SLC22A25: variants seen among roughly 807,000 people sequenced by gnomAD.
The protein encoded by SLC22A25 is MGI:2442751, MGI:2385316, MGI:3042283, MGI:3645714, MGI:3605624, MGI:2442750.
SLC22A25 carries 44 observed loss-of-function variants against 45.9 expected under a neutral mutation model. The ratio of observed to expected loss-of-function variants is 0.96; its 90% CI spans 0.75 to 1.23. SLC22A25 has a LOEUF of 1.23. Ranked by LOEUF, SLC22A25 falls within the 50% of genes most tolerant of loss-of-function variation. The probability of loss-of-function intolerance (pLI) is 0.00; values close to 1 mark genes in which losing one functional copy is unlikely to be tolerated. For missense variants in SLC22A25, 800 were observed against 666.4 expected, an observed-to-expected ratio of 1.20 and a Z score of -2.21; for synonymous variants, 283 against 238.6, an observed-to-expected ratio of 1.19 and a Z score of -1.72.
chr11:63,229,601 T>A lies in SLC22A25; in HGVS notation c.52A>T (p.Ile18Phe), dbSNP rs778424972. The change falls in exon 4 of 12, where the codon ATC (isoleucine) becomes TTC (phenylalanine). Residue 18 changes from isoleucine (I) to phenylalanine (F), a missense_variant. Physicochemically the swap from Ile to Phe is conservative, Grantham distance 21. Coordinates refer to ENST00000306494, the MANE Select transcript of SLC22A25 (RefSeq NM_199352.6). ...ATTATAAGGAAAACCATCTGAAGGA[T>A]CTGGAATCTCCCCAGGCCTCCAACT... ...DQVGGLGRFQ[I>F]LQMVFLIMFN... 1.2e-6 allele frequency: 2 copies of A among 1,612,922 alleles called. No individual in the cohort carries two copies. Among genetic ancestry groups the A allele is most frequent in the South Asian group, 2.2e-5 (2 of 91,052 alleles).
At chr11:63,224,151 A>T (rs2089909219) in intron 5 of SLC22A25, among the ~76,000 whole-genome samples, 1 of 152,068 alleles carries the variant, frequency 6.6e-6, no homozygotes, top group African/African-American at 2.4e-5. Flanking sequence ...TTGTGCGTAT[A>T]TATTTATAAT....
chr11:63,164,871 ATATATCAGGGG>A (rs1237024782), intron 10 of SLC22A25, among the ~76,000 whole-genome samples: 1 of 152,204 alleles, frequency 6.6e-6, no homozygotes. Flanking sequence ...AATTCTCACT[ATATATCAGGGG>A]TATGCCATAG....
chr11:63,172,731 A>G (rs2087934862), intron 9 of SLC22A25, among the ~76,000 whole-genome samples: 2 of 150,402 alleles, frequency 1.3e-5, no homozygotes, highest in South Asian at 2.1e-4. Context: ...GATGCTGAAG[A>G]GGATGTGGAG....
chr11:63,163,883 C>A lies in SLC22A25; in HGVS notation c.1585G>T (p.Asp529Tyr). Reference sequence around the variant, plus strand: ...CTATTTACTCCCTCATTTTCCACATCCTGGATGCTGTCAAGAAGAGGCTGG... The same window carrying A: ...CTATTTACTCCCTCATTTTCCACATACTGGATGCTGTCAAGAAGAGGCTGG... ...RNQPLLDSIQ[D>Y]VENEGVNSLA... The change falls in exon 12 of 12, where the codon GAT (aspartate) becomes TAT (tyrosine). Residue 529 changes from aspartate (D) to tyrosine (Y), a missense_variant. Physicochemically the swap from Asp to Tyr is radical, Grantham distance 160 (BLOSUM62 -3). Transcript: ENST00000306494. 6.2e-7 allele frequency: 1 copy of A among 1,613,894 alleles called. No individual in the cohort carries two copies. The highest frequency in any genetic ancestry group is 8.5e-7 in the Non-Finnish European group (1 of 1,179,894).
chr11:63,231,537 C>T (rs549677127), intron 3 of SLC22A25, among the ~76,000 whole-genome samples: 31 of 152,184 alleles, frequency 2.0e-4, no homozygotes, highest in African/African-American at 7.5e-4. Context: ...ATTGTAGATT[C>T]TGGATATTAG....
chr11:63,196,427 C>T (rs1023886881), intron 7 of SLC22A25, among the ~76,000 whole-genome samples: 2 of 152,178 alleles, frequency 1.3e-5, no homozygotes, highest in African/African-American at 4.8e-5. Flanking sequence ...TGACTTCATC[C>T]CTGGGATGCA....
intron 9 of SLC22A25, among the ~76,000 whole-genome samples, chr11:63,180,189 C>A (rs960431093): frequency 6.6e-6 from 1 of 152,040 alleles, no homozygotes; most frequent in Non-Finnish European, 1.5e-5. Flanking sequence ...TTTCTGTGTG[C>A]GGTTGAGGGG....
chr11:63,189,891 G>C (rs547549640), intron 7 of SLC22A25, among the ~76,000 whole-genome samples: 1 of 152,340 alleles, frequency 6.6e-6, no homozygotes, highest in South Asian at 2.1e-4. Flanking sequence ...CTTCTGGCTT[G>C]TAGAGTTTCT....
rs1260913182 is a variant in SLC22A25 at position 63,217,484 on chromosome 11, T to G, written c.662-2A>C. ...ATTGGTGAGTTATCCACTCTACAAC[T>G]GAAAGAAAACACAAACAAGATTTAG... is the stretch of plus-strand genomic sequence containing the variant. On this transcript the variant is annotated splice_acceptor_variant, in intron 6 of 11. Transcript: ENST00000306494. LOFTEE classifies it high-confidence loss of function. 1.2e-6 allele frequency: 2 copies of G among 1,612,950 alleles called. No homozygotes were observed. Among genetic ancestry groups the G allele is most frequent in the Middle Eastern group, 1.6e-4 (1 of 6,078 alleles).
chr11:63,176,799 C>T (rs1170333371), intron 9 of SLC22A25, among the ~76,000 whole-genome samples: 2 of 152,106 alleles, frequency 1.3e-5, no homozygotes, highest in East Asian at 3.9e-4. Context: ...AGTTTTTCAT[C>T]GAGTATGATG....
intron 7 of SLC22A25, among the ~76,000 whole-genome samples, chr11:63,212,320 T>C (rs1435276351): frequency 6.6e-6 from 1 of 152,130 alleles, no homozygotes; most frequent in African/African-American, 2.4e-5. Context: ...TTACTGGATA[T>C]ATACTCAAAG....
intron 7 of SLC22A25, among the ~76,000 whole-genome samples, chr11:63,187,069 C>T (rs1041006192): frequency 1.8e-4 from 27 of 151,922 alleles, no homozygotes; most frequent in Non-Finnish European, 3.7e-4. Flanking sequence ...TAGTTTTTTC[C>T]AATTCTATGA....
intron 7 of SLC22A25, among the ~76,000 whole-genome samples, chr11:63,194,958 T>A (rs1370993419): frequency 8.4e-6 from 1 of 119,238 alleles, no homozygotes; most frequent in Non-Finnish European, 1.7e-5. Context: ...AATCCTAGTC[T>A]GTGATAAAAC....
intron 5 of SLC22A25, among the ~76,000 whole-genome samples, chr11:63,226,775 A>G (rs2089970424): frequency 6.6e-6 from 1 of 152,230 alleles, no homozygotes; most frequent in South Asian, 2.1e-4. Flanking sequence ...GATGCTGTAC[A>G]GGAGCCTGGG....
chr11:63,217,725 T>G lies in SLC22A25; in HGVS notation c.517A>C (p.Lys173Gln), dbSNP rs780801916. The stretch of plus-strand genomic sequence containing the variant: ...AGGTAAGACCATCTGAGCACGAACT[T>G]TCTCCCAAACCTGAGAAACAGGGGC... ...YGHLSDRFGRKFVLRWSYLQL... is the reference protein window; with the variant it reads ...YGHLSDRFGRQFVLRWSYLQL... The change falls in exon 6 of 12, where the codon AAG becomes CAG. Residue 173 changes from lysine (K) to glutamine (Q), a missense_variant. Transcript: ENST00000306494. 1.9e-6 allele frequency: 3 copies of G among 1,607,042 alleles called. No individual in the cohort carries two copies. The highest frequency in any genetic ancestry group is 2.5e-6 in the Non-Finnish European group (3 of 1,178,212).
intron 5 of SLC22A25, among the ~76,000 whole-genome samples, chr11:63,221,121 T>A (rs1403490403): frequency 6.6e-6 from 1 of 152,188 alleles, no homozygotes; most frequent in African/African-American, 2.4e-5. Context: ...CTATACTGAT[T>A]TCCTTTTTGG....
intron 3 of SLC22A25, among the ~76,000 whole-genome samples, chr11:63,233,200 G>A (rs1346819393): frequency 6.6e-6 from 1 of 152,168 alleles, no homozygotes; most frequent in Non-Finnish European, 1.5e-5. Context: ...AGTACTTTAA[G>A]AAGGAATGGT....
intron 5 of SLC22A25, among the ~76,000 whole-genome samples, chr11:63,219,325 A>G (rs1590891831): frequency 6.6e-6 from 1 of 152,314 alleles, no homozygotes; most frequent in Admixed American, 6.5e-5. Context: ...TGCAATCCCA[A>G]TGAAATCCTA....
intron 5 of SLC22A25, chr11:63,220,057 T>C (rs903141890): frequency 8.1e-7 from 1 of 1,227,394 alleles, no homozygotes; most frequent in Admixed American, 2.3e-5. Flanking sequence ...AGTTAGAGGG[T>C]ACCCCAAACT....
Sources: allele counts gnomAD v4.1 joint callset (sites outside exome capture counted in the v4.1 genomes callset), GRCh38; gene constraint gnomAD v4.1.1; transcripts MANE v1.5; gene names NCBI Gene and HGNC (gene_info 2026-07-23, HGNC 2026-07-21).